Variants in ENOX1 observed in about 807,000 individuals in gnomAD.
ENOX1 encodes ecto-NOX disulfide-thiol exchanger 1.
ENOX1 carries 42 observed loss-of-function variants against 82.5 expected under a neutral mutation model. The observed-to-expected ratio is 0.51, with a 90% CI of 0.40 to 0.66. ENOX1 has a LOEUF of 0.66. ENOX1 is among the 30% of genes least tolerant of loss of function. ENOX1 has a pLI of 0.00. For synonymous variants in ENOX1, 271 were observed against 282.2 expected (o/e 0.96, Z 0.40); for missense variants, 608 against 811.6 (o/e 0.75, Z 3.05).
At chr13:43,222,380 T>TACACAC (rs35476412) in intron 16 of ENOX1, among the ~76,000 whole-genome samples, 6,886 of 149,144 alleles carry the variant, frequency 0.046, 209 homozygotes, top group East Asian at 0.12. Flanking sequence ...GAGATGATTT[T>TACACAC]ACACACACAC....
chr13:43,730,206 G>A (rs1232415153), intron 1 of ENOX1, among the ~76,000 whole-genome samples: 1 of 152,162 alleles, frequency 6.6e-6, no homozygotes, highest in African/African-American at 2.4e-5. Context: ...CTGTAGGGGA[G>A]GAGCAAAGAA....
intron 11 of ENOX1, among the ~76,000 whole-genome samples, chr13:43,299,925 C>T (rs2046482753): frequency 6.6e-6 from 1 of 152,170 alleles, no homozygotes; most frequent in African/African-American, 2.4e-5. Flanking sequence ...TCTACCTGCA[C>T]ATTACAGTTC....
intron 5 of ENOX1, among the ~76,000 whole-genome samples, chr13:43,401,892 AAAAC>A (rs143060027): frequency 1.6e-4 from 25 of 152,026 alleles, no homozygotes; most frequent in Admixed American, 7.9e-4. Context: ...ACTGCATCTC[AAAAC>A]AAACAAACAA....
At chr13:43,302,618 C>T (rs527284386) in intron 11 of ENOX1, among the ~76,000 whole-genome samples, 14 of 152,138 alleles carry the variant, frequency 9.2e-5, no homozygotes, top group East Asian at 7.7e-4. Flanking sequence ...AAAGGTTGAA[C>T]GGCACTGCTG....
At chr13:43,555,375 T>C (rs187060999) in intron 2 of ENOX1, among the ~76,000 whole-genome samples, 282 of 152,380 alleles carry the variant, frequency 1.9e-3, no homozygotes, top group African/African-American at 6.6e-3. Flanking sequence ...CTTGGTATTA[T>C]GTGAAGTACT....
At chr13:43,244,251 G>C (rs934198860) in intron 14 of ENOX1, among the ~76,000 whole-genome samples, 3 of 151,668 alleles carry the variant, frequency 2.0e-5, no homozygotes, top group Non-Finnish European at 4.4e-5. Context: ...ATATAAGTGA[G>C]ACAGCGCTTT....
intron 12 of ENOX1, among the ~76,000 whole-genome samples, chr13:43,269,982 T>C (rs2044595506): frequency 6.6e-6 from 1 of 152,238 alleles, no homozygotes; most frequent in Non-Finnish European, 1.5e-5. Flanking sequence ...AAAGCTACTT[T>C]GCCAAGTGGC....
chr13:43,692,777 T>C (rs2086432488), intron 1 of ENOX1, among the ~76,000 whole-genome samples: 1 of 152,166 alleles, frequency 6.6e-6, no homozygotes, highest in South Asian at 2.1e-4. Flanking sequence ...CTCTGAGTTA[T>C]TGAAGACGTG....
At chr13:43,479,017 A>G (rs2058405842) in intron 3 of ENOX1, among the ~76,000 whole-genome samples, 1 of 152,164 alleles carries the variant, frequency 6.6e-6, no homozygotes, top group Non-Finnish European at 1.5e-5. Context: ...CTCTCCTTTT[A>G]GTTTATAACT....
chr13:43,343,055 C>T (rs1327998521), intron 9 of ENOX1, among the ~76,000 whole-genome samples: 1 of 152,192 alleles, frequency 6.6e-6, no homozygotes, highest in Non-Finnish European at 1.5e-5. Context: ...GAAATTAGAA[C>T]TTATTTAAAA....
chr13:43,468,187 T>TTG (rs1024881958), intron 3 of ENOX1, among the ~76,000 whole-genome samples: 3 of 151,528 alleles, frequency 2.0e-5, no homozygotes, highest in African/African-American at 7.3e-5. Context: ...TAAATTCCTT[T>TTG]TTTTTTCTTT....
chr13:43,555,630 G>A (rs766865668), intron 2 of ENOX1, among the ~76,000 whole-genome samples: 12 of 152,254 alleles, frequency 7.9e-5, no homozygotes, highest in African/African-American at 2.9e-4. Flanking sequence ...CCCCGACAGA[G>A]GATGGAGAAA....
chr13:43,590,110 G>A (rs75063938), intron 2 of ENOX1, among the ~76,000 whole-genome samples: 5,269 of 151,912 alleles, frequency 0.035, 263 homozygotes, highest in African/African-American at 0.12. Context: ...ATAAATGAGA[G>A]GAAAAATTTT....
intron 1 of ENOX1, among the ~76,000 whole-genome samples, chr13:43,671,886 A>C (rs568503911): frequency 6.6e-6 from 1 of 152,232 alleles, no homozygotes; most frequent in African/African-American, 2.4e-5. Context: ...TGGAAAAGCC[A>C]GTAGTGGAAA....
intron 2 of ENOX1, among the ~76,000 whole-genome samples, chr13:43,543,672 A>G (rs2078843572): frequency 6.7e-6 from 1 of 150,332 alleles, no homozygotes; most frequent in Non-Finnish European, 1.5e-5. Context: ...ATGCAAAGAA[A>G]AAAAAACCCT....
chr13:43,366,388 C>T (rs1196161063), intron 5 of ENOX1, among the ~76,000 whole-genome samples: 1 of 152,118 alleles, frequency 6.6e-6, no homozygotes, highest in Admixed American at 6.5e-5. Flanking sequence ...CATTCTCCTG[C>T]CTCAGCCTCC....
rs117512941 is a variant in ENOX1 at position 43,423,787 on chromosome 13, G to T, written c.-74-10799C>A. Reference sequence around the variant, plus strand: ...CCTAGCCACAGATAAATTTATGAAAGTAACTAAGGACATATCAGATAATTC... The same window carrying T: ...CCTAGCCACAGATAAATTTATGAAATTAACTAAGGACATATCAGATAATTC... On this transcript the variant is annotated intron_variant, in intron 3 of 16. Transcript: ENST00000690772. Among the ~76,000 whole-genome samples, 14 of 152,330 alleles carry T rather than the reference G, an allele frequency of 9.2e-5. No homozygotes were observed. The East Asian group carries it at 2.5e-3, about 27-fold the overall frequency.
At chr13:43,554,316 G>A (rs1359327299) in intron 2 of ENOX1, among the ~76,000 whole-genome samples, 1 of 152,146 alleles carries the variant, frequency 6.6e-6, no homozygotes, top group Non-Finnish European at 1.5e-5. Flanking sequence ...CAGCAGTCTG[G>A]GCTAAAATCC....
intron 2 of ENOX1, among the ~76,000 whole-genome samples, chr13:43,500,200 G>T (rs545555318): frequency 6.6e-6 from 1 of 152,196 alleles, no homozygotes; most frequent in South Asian, 2.1e-4. Flanking sequence ...AGAAATAATG[G>T]CTGAACTTTT....
Sources: allele counts gnomAD v4.1 joint callset (sites outside exome capture counted in the v4.1 genomes callset), GRCh38; gene constraint gnomAD v4.1.1; transcripts MANE v1.5; gene names NCBI Gene and HGNC (gene_info 2026-07-23, HGNC 2026-07-21).